FAM3D: variants seen among roughly 807,000 people sequenced by gnomAD.
The protein encoded by FAM3D is protein FAM3D.
In FAM3D, 26 loss-of-function variants were observed where a neutral mutation model predicts 29.8. The observed-to-expected ratio is 0.87, with a 90% CI of 0.64 to 1.21. FAM3D has a LOEUF of 1.21. FAM3D is among the 50% of genes most tolerant of loss of function. FAM3D has a pLI of 0.00. For synonymous variants in FAM3D, 115 were observed against 102.3 expected, an observed-to-expected ratio of 1.12 and a Z score of -0.75; for missense variants, 253 against 290.9, an observed-to-expected ratio of 0.87 and a Z score of 0.95.
intron 6 of FAM3D, among the ~76,000 whole-genome samples, chr3:58,640,708 G>C (rs112633063): frequency 2.0e-5 from 3 of 152,370 alleles, no homozygotes; most frequent in African/African-American, 7.2e-5. Context: ...CCTGGATTGC[G>C]TTTGTGGGTT....
rs1477346804 is a variant in FAM3D, at chr3:58,635,475, C to T, written c.585+819G>A. Among the ~76,000 whole-genome samples, 1 of 152,176 alleles carries T rather than the reference C, an allele frequency of 6.6e-6. No individual in the cohort carries two copies. The highest frequency in any genetic ancestry group is 1.5e-5 in the Non-Finnish European group (1 of 68,040). ...GCAGATGGATGAAGATGATGCTGGG[C>T]TTCCTGTACTCCCACGCCTCCTCTG... On this transcript the variant is annotated intron_variant, in intron 9 of 9. Coordinates refer to ENST00000358781, the MANE Select transcript of FAM3D (RefSeq NM_138805.3). This position sits in a 1 kb window ranked among gnomAD's most constrained non-coding sequence, Gnocchi z 5.2.
rs568144542 is a variant in FAM3D, at chr3:58,644,147, G to T, written c.264-427C>A. On this transcript the variant is annotated intron_variant, in intron 5 of 9. Coordinates refer to ENST00000358781, the MANE Select transcript of FAM3D (RefSeq NM_138805.3). ...TCTCTGGATGTGCGGTGGGAGAATT[G>T]TCTTTCTCCACGAACAGGCCAGGTG... Among the ~76,000 whole-genome samples, 10 of 152,272 alleles carry T rather than the reference G, an allele frequency of 6.6e-5. No individual in the cohort carries two copies. The South Asian group carries it at 2.1e-3, about 32-fold the overall frequency.
intron 6 of FAM3D, among the ~76,000 whole-genome samples, chr3:58,642,635 A>C (rs1340660047): frequency 1.3e-5 from 2 of 151,982 alleles, no homozygotes; most frequent in Non-Finnish European, 2.9e-5. Flanking sequence ...ACGTGTCCCT[A>C]CTTCAGGCTT....
Position 58,634,624 on chromosome 3 carries a change from T to C in FAM3D, c.586-256A>G, listed in dbSNP as rs75150962. On this transcript the variant is annotated intron_variant, in intron 9 of 9. Transcript: ENST00000358781. The surrounding 1 kb of genome is among the most constrained non-coding windows in gnomAD (Gnocchi z 4.6). ...AGAGATCTGGCCCCTCCCCACAAATTCTCTGTGTCCCTCTAGGATACCTCA... is the reference window on the plus strand; with the variant it reads ...AGAGATCTGGCCCCTCCCCACAAATCCTCTGTGTCCCTCTAGGATACCTCA... Among the ~76,000 whole-genome samples the C allele has an allele frequency of 0.012, 1,879 of 152,124 alleles. 39 individuals carry two copies. The highest frequency in any genetic ancestry group is 0.043 in the African/African-American group (1,764 of 41,482).
intron 4 of FAM3D, among the ~76,000 whole-genome samples, chr3:58,645,976 C>T (rs935685550): frequency 6.6e-6 from 1 of 152,232 alleles, no homozygotes; most frequent in African/African-American, 2.4e-5. Flanking sequence ...CCATGGCAGC[C>T]TTCTGAGTCC....
At chr3:58,663,375 T>G (rs191450294) in intron 1 of FAM3D, among the ~76,000 whole-genome samples, 1 of 152,170 alleles carries the variant, frequency 6.6e-6, no homozygotes, top group Admixed American at 6.5e-5. Flanking sequence ...GGACACAGAG[T>G]GCCGGGGGTG....
chr3:58,644,496 C>G (rs974129781), intron 5 of FAM3D, among the ~76,000 whole-genome samples: 1 of 152,212 alleles, frequency 6.6e-6, no homozygotes, highest in Non-Finnish European at 1.5e-5. Flanking sequence ...TGAGGCTTCT[C>G]CTGCCACATG....
rs760629034 is a variant in FAM3D, at chr3:58,634,366, G to C, written c.588C>G (p.Phe196Leu). The C allele has an allele frequency of 6.2e-6, 10 of 1,613,540 alleles. No individual in the cohort carries two copies. The Admixed American group carries it at 1.5e-4, about 24-fold the overall frequency. Reference sequence around the variant, plus strand: ...TGTTTGTGTCTGGGCTGTTCTTTAAGAACTAGAGAGAGAGAAGACAGAGAA... The same window carrying C: ...TGTTTGTGTCTGGGCTGTTCTTTAACAACTAGAGAGAGAGAAGACAGAGAA... ...DLRGKSPFEQ[F>L]LKNSPDTNKY... Residue 196 changes from phenylalanine (F) to leucine (L), a missense_variant and splice_region_variant, in exon 10 of 10, where the codon TTC becomes TTG. Coordinates refer to ENST00000358781, the MANE Select transcript of FAM3D (RefSeq NM_138805.3). The surrounding 1 kb of genome is among the most constrained non-coding windows in gnomAD (Gnocchi z 4.6).
intron 6 of FAM3D, among the ~76,000 whole-genome samples, chr3:58,641,975 C>A (rs1033751783): frequency 1.1e-4 from 17 of 152,186 alleles, no homozygotes; most frequent in African/African-American, 3.9e-4. Flanking sequence ...TGCCTGCCCT[C>A]GCTGTGGGGT....
chr3:58,640,885 C>T (rs1164119890), intron 6 of FAM3D, among the ~76,000 whole-genome samples: 4 of 152,226 alleles, frequency 2.6e-5, no homozygotes, highest in Non-Finnish European at 5.9e-5. Context: ...CCAGGTGGCG[C>T]GAGCAGGCTC....
intron 4 of FAM3D, among the ~76,000 whole-genome samples, chr3:58,646,189 C>T (rs1373862707): frequency 6.6e-6 from 1 of 152,224 alleles, no homozygotes; most frequent in Non-Finnish European, 1.5e-5. Flanking sequence ...ATTGGCTATT[C>T]TTCTCATCAT....
rs146069060 is a variant in FAM3D, at chr3:58,652,858, ATCTG to A, written c.121+812_121+815del. On this transcript the variant is annotated intron_variant, in intron 3 of 9. Coordinates refer to ENST00000358781, the MANE Select transcript of FAM3D (RefSeq NM_138805.3). Reference sequence around the variant, plus strand: ...CACTCATCCATCCATCTGTCCATCCATCTGTCCATCCATCCATCCATCCATCCAT... The same window carrying A: ...CACTCATCCATCCATCTGTCCATCCATCCATCCATCCATCCATCCATCCAT... Among the ~76,000 whole-genome samples, 64 of 93,894 alleles carry A rather than the reference ATCTG, an allele frequency of 6.8e-4. No homozygotes were observed. In the South Asian group the frequency reaches 0.026, roughly 38 times the overall value. 61.6% of individuals were successfully genotyped at this position (93,894 alleles called of 152,430 possible). A position where few individuals can be genotyped will look rare whatever the true frequency, so the allele number is the denominator to read the frequency against.
chr3:58,642,452 C>T (rs1559498133), intron 6 of FAM3D, among the ~76,000 whole-genome samples: 1 of 152,222 alleles, frequency 6.6e-6, no homozygotes, highest in Non-Finnish European at 1.5e-5. Flanking sequence ...AAGTTCCTTC[C>T]TGAGCATCCC....
In FAM3D at chr3:58,636,521, T is replaced by G. The variant is rs1053515971; in HGVS notation, c.459-101A>C. On this transcript the variant is annotated intron_variant, in intron 8 of 9. Transcript: ENST00000358781. ...GCAAGGTTCCCACTCTTCTCCCCAT[T>G]CAGCATCTGCCCTGGGGGTGTCCAG... 1.4e-5 allele frequency: 21 copies of G among 1,512,948 alleles called. No homozygotes were observed. The African/African-American group carries it at 2.7e-4, about 20-fold the overall frequency. The allele number at this position is 1,512,948 out of a possible 1,614,324, so 93.7% of individuals were successfully genotyped here.
intron 5 of FAM3D, among the ~76,000 whole-genome samples, chr3:58,645,110 C>T (rs1194118288): frequency 6.6e-6 from 1 of 152,186 alleles, no homozygotes; most frequent in Non-Finnish European, 1.5e-5. Flanking sequence ...GGCTTTGATG[C>T]CTGGGTCAGG....
rs373861392 is a variant in FAM3D, at chr3:58,640,191, G to A, written c.323-14C>T. On this transcript the variant is annotated splice_polypyrimidine_tract_variant and intron_variant, in intron 6 of 9. Coordinates refer to ENST00000358781, the MANE Select transcript of FAM3D (RefSeq NM_138805.3). Reference sequence around the variant, plus strand: ...CTCCCGTGGTTCCTAGGGGTTAAGAGGAGAACGATTATCCCCTGTAACACG... The same window carrying A: ...CTCCCGTGGTTCCTAGGGGTTAAGAAGAGAACGATTATCCCCTGTAACACG... The A allele has an allele frequency of 2.1e-5, 34 of 1,613,974 alleles. No individual in the cohort carries two copies. In the Middle Eastern group the frequency reaches 6.6e-4, roughly 31 times the overall value.
At chr3:58,649,549 G>GCA in intron 3 of FAM3D, 1 of 597,520 alleles carries the variant, frequency 1.7e-6, no homozygotes, top group Non-Finnish European at 3.0e-6. Context: ...GTACACACAC[G>GCA]CACACACATA....
chr3:58,637,196 C>A lies in FAM3D; in HGVS notation c.403G>T (p.Glu135Ter). The A allele has an allele frequency of 6.2e-7, 1 of 1,613,834 alleles. No individual in the cohort carries two copies. Among genetic ancestry groups the A allele is most frequent in the Non-Finnish European group, 8.5e-7 (1 of 1,179,924 alleles). Residue 135 changes from glutamate to a stop codon, truncating the protein, a stop_gained, in exon 8 of 10, where the codon GAA becomes TAA. Coordinates refer to ENST00000358781, the MANE Select transcript of FAM3D (RefSeq NM_138805.3). LOFTEE classifies it high-confidence loss of function. The stretch of plus-strand genomic sequence containing the variant: ...AGCACCAGTGCACCCCCCGGAATTT[C>A]TTTAAGGAATTTCACTAGGTGCATA... The part of the protein sequence containing the change: ...DVMHLVKFLK[E>*]IPGGALVLVA...
chr3:58,643,542 C>A (rs2066393476), intron 6 of FAM3D, 120 bp downstream of exon 6: 1 of 1,104,648 alleles, frequency 9.1e-7, no homozygotes, highest in Non-Finnish European at 1.4e-6. Flanking sequence ...CTCCTGAGCT[C>A]TACGGGCATT....
Sources: gnomAD v4.1 joint callset for allele counts (sites outside exome capture counted in the v4.1 genomes callset) on GRCh38, gnomAD v4.1.1 for gene constraint, Gnocchi (gnomAD v3.1) non-coding constraint, MANE v1.5 for transcripts, NCBI Gene and HGNC (gene_info 2026-07-23, HGNC 2026-07-21) for gene names.